Variants in MGA observed in about 807,000 individuals in gnomAD.
The protein encoded by MGA is MAX gene-associated protein.
In MGA, 40 loss-of-function variants were observed where a neutral mutation model predicts 261.1. The observed-to-expected ratio is 0.15, with a 90% CI of 0.12 to 0.20. MGA has a LOEUF of 0.20. Among genes scored for constraint, MGA ranks in the 10% least tolerant of loss-of-function variants. MGA has a pLI of 1.00. For missense variants in MGA, 3,397 were observed against 3,630.5 expected (o/e 0.94, Z 1.65); for synonymous variants, 1,302 against 1,290.6 (o/e 1.01, Z -0.19).
At chr15:41,638,262 C>T (rs985694130) in intron 1 of MGA, among the ~76,000 whole-genome samples, 3 of 151,804 alleles carry the variant, frequency 2.0e-5, no homozygotes, top group Admixed American at 6.6e-5. Flanking sequence ...AGGCTGGTCT[C>T]GAACTCCTGA....
intron 10 of MGA, among the ~76,000 whole-genome samples, chr15:41,727,635 T>C (rs1431374641): frequency 1.3e-5 from 2 of 152,164 alleles, no homozygotes; most frequent in Non-Finnish European, 2.9e-5. Flanking sequence ...TTCAAGAAGA[T>C]CATAGAAACA....
chr15:41,643,589 C>G (rs1436275912), intron 1 of MGA, among the ~76,000 whole-genome samples: 2 of 151,722 alleles, frequency 1.3e-5, no homozygotes, highest in African/African-American at 4.8e-5. Flanking sequence ...TGTAGGAGTT[C>G]TTTTTATATT....
chr15:41,711,471 C>A, intron 8 of MGA, 122 bp downstream of exon 8: 1 of 993,352 alleles, frequency 1.0e-6, no homozygotes, highest in Non-Finnish European at 1.4e-6. Context: ...CATTTAGAAC[C>A]TTCATGGGAA....
intron 5 of MGA, among the ~76,000 whole-genome samples, chr15:41,705,681 C>G (rs569062195): frequency 3.9e-5 from 6 of 152,284 alleles, no homozygotes; most frequent in African/African-American, 1.4e-4. Context: ...TCTTTTATCT[C>G]TCTGAGATCA....
intron 2 of MGA, among the ~76,000 whole-genome samples, chr15:41,676,397 G>A (rs1026499548): frequency 6.6e-6 from 1 of 152,200 alleles, no homozygotes; most frequent in Non-Finnish European, 1.5e-5. Context: ...CTCATGATCT[G>A]CCCGCCTTGG....
At chr15:41,741,837 G>T (rs1038337110) in intron 14 of MGA, among the ~76,000 whole-genome samples, 1 of 151,902 alleles carries the variant, frequency 6.6e-6, no homozygotes, top group Non-Finnish European at 1.5e-5. Context: ...TCAGCCTCCT[G>T]AGTAGCTGGG....
intron 2 of MGA, among the ~76,000 whole-genome samples, chr15:41,672,861 C>T (rs1057420053): frequency 1.5e-4 from 17 of 112,930 alleles, no homozygotes; most frequent in East Asian, 4.8e-4. Context: ...TATACACATG[C>T]GTGTGCACAC....
chr15:41,669,806 A>C lies in MGA; in HGVS notation c.912A>C (p.Pro304=). Residue 304 remains proline, a synonymous_variant, in exon 2 of 24, where the codon CCA becomes CCC. Transcript: ENST00000219905. Reference sequence around the variant, plus strand: ...AAGGTCAGGGGTCAGAGATACAACCAGGTGATTTGGATCCTTTGTCAAGGG... The same window carrying C: ...AAGGTCAGGGGTCAGAGATACAACCCGGTGATTTGGATCCTTTGTCAAGGG... 3.7e-6 allele frequency: 6 copies of C among 1,613,996 alleles called. No individual in the cohort carries two copies. The highest frequency in any genetic ancestry group is 5.1e-6 in the Non-Finnish European group (6 of 1,179,880).
chr15:41,754,118 C>T (rs1160941394), intron 17 of MGA, among the ~76,000 whole-genome samples: 1 of 152,066 alleles, frequency 6.6e-6, no homozygotes, highest in African/African-American at 2.4e-5. Flanking sequence ...AGGGTTTTGC[C>T]ATGTTGCCCA....
At position 41,750,550 on chromosome 15, in the gene MGA, T is replaced by G; in HGVS notation, c.6943T>G (p.Ser2315Ala). 1 of 1,612,582 alleles carries G rather than the reference T, an allele frequency of 6.2e-7. No individual in the cohort carries two copies. Among genetic ancestry groups the G allele is most frequent in the Non-Finnish European group, 8.5e-7 (1 of 1,179,178 alleles). Residue 2315 changes from serine (S) to alanine (A), a missense_variant, in exon 17 of 24, where the codon TCT becomes GCT. By Grantham distance (99) the Ser-to-Ala change is moderately conservative (BLOSUM62 1). Coordinates refer to ENST00000219905, the MANE Select transcript of MGA (RefSeq NM_001164273.2). The stretch of plus-strand genomic sequence containing the variant: ...AGATGATAATGAGAAAACTGATGAT[T>G]CTATTGATGAAATTGTGGATGTTGT...
At position 41,629,671 on chromosome 15, in the gene MGA, A is replaced by G. The variant is rs546519127; in HGVS notation, c.-68+8373A>G. ...TTCAGCCTGGGTGGTTGAAGCTACA[A>G]TGAGCCATGATCATGCCACTGCACT... On this transcript the variant is annotated intron_variant, in intron 1 of 8. Transcript: ENST00000566718. 5.7e-4 allele frequency among the ~76,000 whole-genome samples: 87 copies of G among 152,056 alleles called. 2 individuals are homozygous for G. In the Middle Eastern group the frequency reaches 0.024, roughly 42 times the overall value.
rs1479040005 is a variant in MGA, at chr15:41,662,760, T to G, written c.-68+2235T>G. On this transcript the variant is annotated intron_variant, in intron 1 of 23. Transcript: ENST00000219905. ...TGAAATCTGAGTGAACCTGTTCTCT[T>G]GAAATTTGAGTTTCACAAATGTAAT... 2.0e-5 allele frequency among the ~76,000 whole-genome samples: 3 copies of G among 152,212 alleles called. No individual in the cohort carries two copies. The East Asian group carries it at 5.8e-4, about 29-fold the overall frequency.
intron 17 of MGA, among the ~76,000 whole-genome samples, chr15:41,753,731 A>G (rs138163784): frequency 2.0e-5 from 3 of 152,226 alleles, no homozygotes; most frequent in Non-Finnish European, 4.4e-5. Flanking sequence ...AAGCCCCCTT[A>G]AAGTGGCACT....
chr15:41,738,102 A>G (rs2061886115), intron 13 of MGA, among the ~76,000 whole-genome samples: 1 of 152,064 alleles, frequency 6.6e-6, no homozygotes, highest in African/African-American at 2.4e-5. Flanking sequence ...TTCTCCATTA[A>G]TAATATGATT....
At chr15:41,748,580 T>C in intron 15 of MGA, 57 bp from the exon 16 acceptor site, 1 of 1,534,440 alleles carries the variant, frequency 6.5e-7, no homozygotes, top group East Asian at 2.3e-5. Flanking sequence ...ATACTTTTTT[T>C]TCCTACGTGT....
intron 1 of MGA, among the ~76,000 whole-genome samples, chr15:41,638,811 CTCCCTATTAGCTG>C (rs550206125): frequency 9.8e-4 from 148 of 151,670 alleles, no homozygotes; most frequent in Non-Finnish European, 1.5e-3. Flanking sequence ...CTACCTCAGC[CTCCCTATTAGCTG>C]AGACTACAGG....
intron 22 of MGA, among the ~76,000 whole-genome samples, chr15:41,764,099 C>A (rs1221935067): frequency 6.6e-6 from 1 of 151,518 alleles, no homozygotes; most frequent in African/African-American, 2.4e-5. Flanking sequence ...GCGGAGGCTG[C>A]AGTGAGCTGA....
intron 5 of MGA, among the ~76,000 whole-genome samples, chr15:41,701,077 C>T (rs1008318566): frequency 6.6e-6 from 1 of 152,234 alleles, no homozygotes; most frequent in African/African-American, 2.4e-5. Context: ...TAGACAGTCA[C>T]ATCATAGCAA....
intron 21 of MGA, 116 bp from the exon 22 acceptor site, chr15:41,762,012 TC>T: frequency 9.6e-7 from 1 of 1,042,366 alleles, no homozygotes; most frequent in Non-Finnish European, 1.4e-6. Context: ...TGAATTGTAA[TC>T]ACCTTACTTT....
Sources: allele counts gnomAD v4.1 joint callset (sites outside exome capture counted in the v4.1 genomes callset), GRCh38; gene constraint gnomAD v4.1.1; transcripts MANE v1.5; gene names NCBI Gene and HGNC (gene_info 2026-07-23, HGNC 2026-07-21).